Variants in SH2D4A observed in about 807,000 individuals in gnomAD.
SH2D4A encodes the protein SH2 domain-containing protein 4A.
Under a neutral mutation model 64.7 loss-of-function variants are expected in SH2D4A, and 70 were observed. The observed-to-expected ratio is 1.08, with a 90% CI of 0.89 to 1.32. The LOEUF is 1.32. Ranked by LOEUF, SH2D4A falls within the 40% of genes most tolerant of loss-of-function variation. SH2D4A has a pLI of 0.00. For missense variants in SH2D4A, 706 were observed against 540.1 expected, an observed-to-expected ratio of 1.31 and a Z score of -3.04; for synonymous variants, 268 against 200.7, an observed-to-expected ratio of 1.34 and a Z score of -2.83.
At chr8:19,378,342 A>T (rs542911742) in intron 8 of SH2D4A, among the ~76,000 whole-genome samples, 64 of 152,204 alleles carry the variant, frequency 4.2e-4, no homozygotes, top group African/African-American at 1.5e-3. Context: ...CAATCCACCC[A>T]TATTTTATTT....
intron 7 of SH2D4A, among the ~76,000 whole-genome samples, chr8:19,369,447 T>C (rs930354128): frequency 1.3e-5 from 2 of 152,044 alleles, no homozygotes; most frequent in East Asian, 3.8e-4. Flanking sequence ...TAGGATTTGG[T>C]AGTGAATCCA....
At chr8:19,388,896 G>T (rs990732002) in intron 8 of SH2D4A, among the ~76,000 whole-genome samples, 1 of 152,200 alleles carries the variant, frequency 6.6e-6, no homozygotes, top group Admixed American at 6.5e-5. Context: ...ACATGGAAGT[G>T]GGGGAGGGCA....
In SH2D4A at chr8:19,395,234, A is replaced by G. The variant is rs2053568678; in HGVS notation, c.*592A>G. 1 of 152,296 alleles carries G rather than the reference A, an allele frequency of 6.6e-6. No individual in the cohort carries two copies. The highest frequency in any genetic ancestry group is 2.1e-4 in the South Asian group (1 of 4,836). 9.4% of individuals were successfully genotyped at this position (152,296 alleles called of 1,614,324 possible). On this transcript the variant is annotated 3_prime_UTR_variant, in exon 10 of 10. Coordinates refer to ENST00000265807, the MANE Select transcript of SH2D4A (RefSeq NM_022071.4). The stretch of plus-strand genomic sequence containing the variant: ...GAAAATACAGATGGACCTGCAGGAA[A>G]GTGAGCAAACATCGCTGAGTTTGTT...
chr8:19,379,110 C>T (rs1309531287), intron 8 of SH2D4A, among the ~76,000 whole-genome samples: 3 of 151,398 alleles, frequency 2.0e-5, no homozygotes, highest in Non-Finnish European at 4.4e-5. Context: ...CAGCTATTAC[C>T]ACCATCCATC....
chr8:19,371,997 A>C (rs2053107866), intron 7 of SH2D4A, among the ~76,000 whole-genome samples: 1 of 152,158 alleles, frequency 6.6e-6, no homozygotes. Context: ...TGTTTCAGAG[A>C]TCACACATCT....
chr8:19,322,783 GC>G, intron 2 of SH2D4A, among the ~76,000 whole-genome samples: 1 of 151,776 alleles, frequency 6.6e-6, no homozygotes, highest in African/African-American at 2.4e-5. Context: ...CGATTCTCCT[GC>G]CTCAGCCTCC....
chr8:19,317,650 A>C (rs984386491), intron 1 of SH2D4A, among the ~76,000 whole-genome samples: 4 of 152,154 alleles, frequency 2.6e-5, no homozygotes, highest in Admixed American at 2.6e-4. Context: ...ACGGAAGAGG[A>C]GGAAGACGGG....
At chr8:19,363,319 C>T (rs1038761536) in intron 6 of SH2D4A, among the ~76,000 whole-genome samples, 3 of 152,114 alleles carry the variant, frequency 2.0e-5, no homozygotes, top group African/African-American at 4.8e-5. Context: ...TCAGGTGACC[C>T]ACCGACCTTG....
chr8:19,322,146 C>T (rs2052201198), intron 2 of SH2D4A, among the ~76,000 whole-genome samples: 1 of 152,174 alleles, frequency 6.6e-6, no homozygotes, highest in Non-Finnish European at 1.5e-5. Context: ...CCCACTTCCC[C>T]TAAAATCCCA....
intron 1 of SH2D4A, 116 bp downstream of exon 1, chr8:19,313,939 G>T (rs1337339273): frequency 7.8e-7 from 1 of 1,282,156 alleles, no homozygotes; most frequent in African/African-American, 1.6e-5. Flanking sequence ...GGCCAGAGCG[G>T]GCGGGCGGAA....
chr8:19,333,210 G>C (rs771462668), intron 3 of SH2D4A, 96 bp downstream of exon 3: 4 of 1,398,040 alleles, frequency 2.9e-6, no homozygotes, highest in Non-Finnish European at 3.8e-6. Context: ...AGGTGGGAGA[G>C]TAGGGTTGGG....
At chr8:19,364,335 T>C in intron 7 of SH2D4A, 53 bp downstream of exon 7, 3 of 1,590,560 alleles carry the variant, frequency 1.9e-6, no homozygotes, top group Non-Finnish European at 2.6e-6. Flanking sequence ...GGGCTTTGAA[T>C]AAGCGTTGAA....
chr8:19,377,000 C>T (rs778896556), intron 8 of SH2D4A, among the ~76,000 whole-genome samples: 2 of 151,968 alleles, frequency 1.3e-5, no homozygotes, highest in Non-Finnish European at 2.9e-5. Flanking sequence ...AATACAACAC[C>T]AGTGATATAA....
At position 19,393,335 on chromosome 8, in the gene SH2D4A, A is replaced by C; in HGVS notation, c.1066A>C (p.Lys356Gln). Reference sequence around the variant, plus strand: ...TGCCACAGGAATTCTCACACTCAAGAAAGCAAATGAACTTCTTCTGAGCAC... The same window carrying C: ...TGCCACAGGAATTCTCACACTCAAGCAAGCAAATGAACTTCTTCTGAGCAC... ...PWFHGILTLKKANELLLSTGM... is the reference protein window; with the variant it reads ...PWFHGILTLKQANELLLSTGM... The change falls in exon 9 of 10, where the codon AAA becomes CAA. Residue 356 changes from lysine (K) to glutamine (Q), a missense_variant. Coordinates refer to ENST00000265807, the MANE Select transcript of SH2D4A (RefSeq NM_022071.4). The C allele has an allele frequency of 6.2e-7, 1 of 1,614,148 alleles. No individual in the cohort carries two copies. Among genetic ancestry groups the C allele is most frequent in the East Asian group, 2.2e-5 (1 of 44,882 alleles).
intron 8 of SH2D4A, among the ~76,000 whole-genome samples, chr8:19,390,266 A>G (rs2053468208): frequency 6.6e-6 from 1 of 152,180 alleles, no homozygotes; most frequent in Admixed American, 6.5e-5. Context: ...CTGTAATCCC[A>G]GCTACACAGG....
At chr8:19,368,072 A>G (rs529246131) in intron 7 of SH2D4A, among the ~76,000 whole-genome samples, 53 of 152,088 alleles carry the variant, frequency 3.5e-4, no homozygotes, top group Non-Finnish European at 6.2e-4. Context: ...ATTCTTATAC[A>G]TGTCACTATC....
intron 8 of SH2D4A, 73 bp from the exon 9 acceptor site, chr8:19,393,245 C>G: frequency 7.4e-7 from 1 of 1,354,848 alleles, no homozygotes; most frequent in South Asian, 1.2e-5. Flanking sequence ...TATATCCATG[C>G]AGCTGGATTT....
intron 6 of SH2D4A, chr8:19,363,764 T>A: frequency 2.6e-6 from 1 of 390,666 alleles, no homozygotes; most frequent in East Asian, 5.4e-5. Context: ...GGATCCTCAC[T>A]TGGTCTTGCC....
At chr8:19,364,998 ATTTT>A (rs1456217905) in intron 7 of SH2D4A, among the ~76,000 whole-genome samples, 2 of 152,182 alleles carry the variant, frequency 1.3e-5, no homozygotes, top group Non-Finnish European at 2.9e-5. Flanking sequence ...TATTGATCTT[ATTTT>A]TAACATCCTA....
Sources: gnomAD v4.1 joint callset for allele counts (sites outside exome capture counted in the v4.1 genomes callset) on GRCh38, gnomAD v4.1.1 for gene constraint, MANE v1.5 for transcripts, NCBI Gene and HGNC (gene_info 2026-07-23, HGNC 2026-07-21) for gene names.